The following HS6ST3 variants were observed in gnomAD, a reference collection of about 807,000 sequenced individuals.
The protein encoded by HS6ST3 is heparan sulfate 6-O-sulfotransferase 3, also known as heparan-sulfate 6-O-sulfotransferase 3.
Under a neutral mutation model 36.7 loss-of-function variants are expected in HS6ST3, and 12 were observed. The observed-to-expected ratio is 0.33, with a 90% CI of 0.21 to 0.53. The LOEUF (loss-of-function observed/expected upper bound fraction) is 0.53. Ranked by LOEUF, HS6ST3 falls within the 20% of genes least tolerant of loss-of-function variation. The probability of loss-of-function intolerance (pLI) is 0.95; values close to 1 mark genes in which losing one functional copy is unlikely to be tolerated. For synonymous variants in HS6ST3, 240 were observed against 257.5 expected (o/e 0.93, Z 0.65); for missense variants, 584 against 640.9 (o/e 0.91, Z 0.96).
At chr13:96,817,148 C>T (rs983637543) in intron 1 of HS6ST3, among the ~76,000 whole-genome samples, 3 of 152,112 alleles carry the variant, frequency 2.0e-5, no homozygotes, top group Non-Finnish European at 4.4e-5. Flanking sequence ...TGCATTTTAA[C>T]TGCTGTGTCA....
intron 1 of HS6ST3, among the ~76,000 whole-genome samples, chr13:96,278,589 C>T (rs1403594451): frequency 1.3e-5 from 2 of 152,176 alleles, no homozygotes; most frequent in African/African-American, 2.4e-5. Flanking sequence ...AGTCTTGCAC[C>T]ATACTGTTTT....
chr13:96,583,944 G>A (rs2056351594), intron 1 of HS6ST3, among the ~76,000 whole-genome samples: 1 of 152,142 alleles, frequency 6.6e-6, no homozygotes, highest in African/African-American at 2.4e-5. Flanking sequence ...TGCCTTATTA[G>A]TGACAATTAA....
At chr13:96,743,746 A>G (rs1876496163) in intron 1 of HS6ST3, among the ~76,000 whole-genome samples, 1 of 152,056 alleles carries the variant, frequency 6.6e-6, no homozygotes, top group South Asian at 2.1e-4. Context: ...CTCTTGTAAT[A>G]TACATTTGGG....
intron 1 of HS6ST3, among the ~76,000 whole-genome samples, chr13:96,376,332 T>C (rs2055314696): frequency 6.6e-6 from 1 of 152,216 alleles, no homozygotes; most frequent in Non-Finnish European, 1.5e-5. Flanking sequence ...ATAAACCCCA[T>C]ATCATTGTAG....
intron 1 of HS6ST3, among the ~76,000 whole-genome samples, chr13:96,355,421 A>ACACAAACACACACG (rs56191306): frequency 0.011 from 1,585 of 149,208 alleles, 17 homozygotes; most frequent in Non-Finnish European, 0.019. Flanking sequence ...AAACACACAC[A>ACACAAACACACACG]CACAGAGGCA....
chr13:96,116,661 T>G (rs942166533), intron 1 of HS6ST3, among the ~76,000 whole-genome samples: 2 of 152,204 alleles, frequency 1.3e-5, no homozygotes, highest in African/African-American at 4.8e-5. Flanking sequence ...TGAACTGAAC[T>G]TTCAGATACC....
At chr13:96,304,726 T>TCTTTCTTTCTTTC (rs1327921964) in intron 1 of HS6ST3, among the ~76,000 whole-genome samples, 123 of 140,048 alleles carry the variant, frequency 8.8e-4, no homozygotes, top group Non-Finnish European at 1.1e-3. Flanking sequence ...TTTTTTTTTT[T>TCTTTCTTTCTTTC]TTTTTACAGA....
At chr13:96,184,219 A>G (rs113217404) in intron 1 of HS6ST3, among the ~76,000 whole-genome samples, 259 of 12,964 alleles carry the variant, frequency 0.02, no homozygotes, top group Non-Finnish European at 0.04. Context: ...AAAAAAAAAA[A>G]AAAGAGAGAG....
At chr13:96,240,212 C>T (rs900884316) in intron 1 of HS6ST3, among the ~76,000 whole-genome samples, 3 of 152,044 alleles carry the variant, frequency 2.0e-5, no homozygotes, top group African/African-American at 7.2e-5. Flanking sequence ...AAGATCCTAG[C>T]AGTATAAATT....
At chr13:96,464,272 T>G (rs867548733) in intron 1 of HS6ST3, among the ~76,000 whole-genome samples, 3 of 151,904 alleles carry the variant, frequency 2.0e-5, no homozygotes, top group Admixed American at 6.6e-5. Flanking sequence ...TCTTACACAT[T>G]GTTACATTTC....
intron 1 of HS6ST3, among the ~76,000 whole-genome samples, chr13:96,452,553 ATT>A (rs11300062): frequency 6.6e-6 from 1 of 150,992 alleles, no homozygotes; most frequent in African/African-American, 2.4e-5. Context: ...TAGCTTTCTG[ATT>A]TTTTTTTTCA....
At chr13:96,407,168 G>A in intron 1 of HS6ST3, among the ~76,000 whole-genome samples, 1 of 152,174 alleles carries the variant, frequency 6.6e-6, no homozygotes, top group East Asian at 1.9e-4. Flanking sequence ...GAAACTTAAA[G>A]TATTCTTTGC....
chr13:96,259,723 A>G (rs2054654858), intron 1 of HS6ST3, among the ~76,000 whole-genome samples: 1 of 152,036 alleles, frequency 6.6e-6, no homozygotes, highest in Admixed American at 6.5e-5. Context: ...TCAATCATTG[A>G]GTTTTGGATT....
intron 1 of HS6ST3, among the ~76,000 whole-genome samples, chr13:96,831,268 G>T (rs1436363517): frequency 6.6e-6 from 1 of 152,046 alleles, no homozygotes; most frequent in Admixed American, 6.5e-5. Context: ...TAATCCATTA[G>T]GTGGAATTAG....
intron 1 of HS6ST3, among the ~76,000 whole-genome samples, chr13:96,238,570 A>G (rs2054545825): frequency 6.6e-6 from 1 of 152,226 alleles, no homozygotes; most frequent in South Asian, 2.1e-4. Flanking sequence ...GCTCGTAATT[A>G]AAATGAATTC....
chr13:96,532,825 G>A (rs1193028190), intron 1 of HS6ST3, among the ~76,000 whole-genome samples: 1 of 152,142 alleles, frequency 6.6e-6, no homozygotes, highest in Non-Finnish European at 1.5e-5. Context: ...ATAACAAAGA[G>A]GACCTTTCCT....
intron 1 of HS6ST3, among the ~76,000 whole-genome samples, chr13:96,595,678 A>C (rs72642785): frequency 0.017 from 2,512 of 151,404 alleles, 54 homozygotes; most frequent in African/African-American, 0.045. Context: ...TGAATATTTG[A>C]TTTTTTGATG....
intron 1 of HS6ST3, among the ~76,000 whole-genome samples, chr13:96,763,575 T>C (rs1194745950): frequency 6.6e-6 from 1 of 151,584 alleles, no homozygotes; most frequent in African/African-American, 2.4e-5. Flanking sequence ...CTTAATATAG[T>C]AAATTTATTT....
At chr13:96,116,491 C>T (rs934510959) in intron 1 of HS6ST3, among the ~76,000 whole-genome samples, 1 of 152,166 alleles carries the variant, frequency 6.6e-6, no homozygotes, top group African/African-American at 2.4e-5. Context: ...AACAGCATGG[C>T]AGACACCCCC....
Sources: gnomAD v4.1 joint callset for allele counts (sites outside exome capture counted in the v4.1 genomes callset) on GRCh38, gnomAD v4.1.1 for gene constraint, MANE v1.5 for transcripts, NCBI Gene and HGNC (gene_info 2026-07-23, HGNC 2026-07-21) for gene names.